Variants in SH3BP5 observed in about 807,000 individuals in gnomAD.
SH3BP5 encodes the protein SH3 domain-binding protein 5.
SH3BP5 carries 22 observed loss-of-function variants against 43.3 expected under a neutral mutation model. The ratio of observed to expected loss-of-function variants is 0.51; its 90% CI spans 0.36 to 0.73. The LOEUF is 0.73. Among genes scored for constraint, SH3BP5 ranks in the 30% least tolerant of loss-of-function variants. The probability of loss-of-function intolerance (pLI) is 0.00; values close to 1 mark genes in which losing one functional copy is unlikely to be tolerated. For missense variants in SH3BP5, 529 were observed against 586.9 expected, an observed-to-expected ratio of 0.90 and a Z score of 1.02; for synonymous variants, 255 against 225.8, an observed-to-expected ratio of 1.13 and a Z score of -1.16.
At chr3:15,328,553 G>T (rs557347877) in intron 2 of SH3BP5, among the ~76,000 whole-genome samples, 122 of 152,136 alleles carry the variant, frequency 8.0e-4, no homozygotes, top group Non-Finnish European at 1.6e-3. Context: ...AACAGAGCTA[G>T]ATCCCATCTT....
intron 5 of SH3BP5, chr3:15,260,162 TCTC>T (rs1292662619): frequency 3.7e-6 from 1 of 272,464 alleles, no homozygotes; most frequent in Non-Finnish European, 7.0e-6. Flanking sequence ...CTGGATCTGC[TCTC>T]CTAATGAAGT....
chr3:15,263,938 G>A (rs919633219), intron 4 of SH3BP5, among the ~76,000 whole-genome samples: 2 of 152,154 alleles, frequency 1.3e-5, no homozygotes, highest in Non-Finnish European at 2.9e-5. Context: ...AGCCCAGAGG[G>A]CTCATGGTCA....
chr3:15,320,419 G>T (rs1345975232), intron 2 of SH3BP5, among the ~76,000 whole-genome samples: 1 of 152,084 alleles, frequency 6.6e-6, no homozygotes, highest in African/African-American at 2.4e-5. Context: ...TCCAAGAGCT[G>T]CTTTGCAAAT....
At chr3:15,282,619 T>C (rs1323346847) in intron 3 of SH3BP5, among the ~76,000 whole-genome samples, 1 of 151,422 alleles carries the variant, frequency 6.6e-6, no homozygotes, top group African/African-American at 2.4e-5. Context: ...TTTAAACCAA[T>C]CACAATAAAA....
At chr3:15,331,465 TAGAA>T (rs1011477636) in intron 1 of SH3BP5, among the ~76,000 whole-genome samples, 3 of 152,298 alleles carry the variant, frequency 2.0e-5, no homozygotes, top group Non-Finnish European at 2.9e-5. Context: ...AAACGGGCCT[TAGAA>T]AGGGATTTGC....
chr3:15,301,045 T>C (rs1697724302), intron 3 of SH3BP5, among the ~76,000 whole-genome samples: 1 of 152,124 alleles, frequency 6.6e-6, no homozygotes, highest in Non-Finnish European at 1.5e-5. Flanking sequence ...CCCAACAGAC[T>C]AGGAGCCTCC....
chr3:15,264,101 T>C (rs1182221002), intron 4 of SH3BP5, among the ~76,000 whole-genome samples: 1 of 152,220 alleles, frequency 6.6e-6, no homozygotes, highest in Non-Finnish European at 1.5e-5. Flanking sequence ...GATAGTTTAC[T>C]TATTACTTAC....
chr3:15,287,216 T>C (rs916419208), intron 3 of SH3BP5, among the ~76,000 whole-genome samples: 1 of 152,224 alleles, frequency 6.6e-6, no homozygotes, highest in East Asian at 1.9e-4. Flanking sequence ...TAAGCAAGCA[T>C]TATGTAGCAT....
chr3:15,319,775 C>T (rs1698274155), intron 2 of SH3BP5, among the ~76,000 whole-genome samples: 1 of 152,296 alleles, frequency 6.6e-6, no homozygotes, highest in Non-Finnish European at 1.5e-5. Flanking sequence ...CATCCTCTGT[C>T]AGACACAAGA....
At chr3:15,297,760 C>T (rs754104197) in intron 3 of SH3BP5, among the ~76,000 whole-genome samples, 19 of 152,208 alleles carry the variant, frequency 1.2e-4, no homozygotes, top group Admixed American at 3.3e-4. Context: ...GCTACCCTAG[C>T]TGACCACCAA....
chr3:15,256,938 C>T lies in SH3BP5; in HGVS notation c.1065G>A (p.Leu355=), dbSNP rs746896347. The change falls in exon 8 of 9, where the codon CTG becomes CTA. Residue 355 remains leucine (L), a synonymous_variant. Transcript: ENST00000383791. ...CTGGGAACATCATCCCAAACTCTGA[C>T]AGGGACACAGGGCTGGGCAGATCCA... The part of the protein sequence containing the change: ...GSLDLPSPVS[L]SEFGMMFPVL... The T allele has an allele frequency of 2.5e-6, 4 of 1,614,212 alleles. No homozygotes were observed. The highest frequency in any genetic ancestry group is 3.4e-6 in the Non-Finnish European group (4 of 1,180,032).
At chr3:15,324,755 A>C (rs1698417738) in intron 2 of SH3BP5, among the ~76,000 whole-genome samples, 1 of 151,974 alleles carries the variant, frequency 6.6e-6, no homozygotes, top group African/African-American at 2.4e-5. Flanking sequence ...ATTTGTGCTA[A>C]TAATTCATGA....
intron 3 of SH3BP5, among the ~76,000 whole-genome samples, chr3:15,299,797 TGGATATTCCA>T (rs1007603126): frequency 4.1e-5 from 6 of 147,946 alleles, no homozygotes; most frequent in African/African-American, 1.3e-4. Flanking sequence ...ACTGAGACAC[TGGATATTCCA>T]GTGGATAGAT....
At position 15,262,825 on chromosome 3, in the gene SH3BP5, G is replaced by T. The variant is rs1401842301; in HGVS notation, c.496-536C>A. On this transcript the variant is annotated intron_variant, in intron 4 of 8. Transcript: ENST00000383791. ...ATATAAACATTTGCCAGGCATGGTGGCACATGCCTGTAGTCCCAGCTACTT... is the reference window on the plus strand; with the variant it reads ...ATATAAACATTTGCCAGGCATGGTGTCACATGCCTGTAGTCCCAGCTACTT... Among the ~76,000 whole-genome samples the T allele has an allele frequency of 6.6e-5, 10 of 152,090 alleles. No individual in the cohort carries two copies. The East Asian group carries it at 1.9e-3, about 30-fold the overall frequency.
intron 4 of SH3BP5, among the ~76,000 whole-genome samples, chr3:15,263,266 T>G (rs1696519172): frequency 6.6e-6 from 1 of 152,140 alleles, no homozygotes; most frequent in African/African-American, 2.4e-5. Context: ...GGCAGGGGCC[T>G]GATGGGCAGG....
chr3:15,302,422 C>T (rs1221005692), intron 3 of SH3BP5, among the ~76,000 whole-genome samples: 1 of 152,142 alleles, frequency 6.6e-6, no homozygotes, highest in Non-Finnish European at 1.5e-5. Flanking sequence ...CCCAATGCAC[C>T]AGGCCAGGGA....
chr3:15,324,601 TA>T (rs2125138821), intron 2 of SH3BP5, among the ~76,000 whole-genome samples: 2 of 422 alleles, frequency 4.7e-3, no homozygotes, highest in African/African-American at 0.016. Flanking sequence ...CCGGTCTATC[TA>T]TGCTTCAAAC....
At chr3:15,324,860 A>C (rs1402784145) in intron 2 of SH3BP5, among the ~76,000 whole-genome samples, 1 of 151,516 alleles carries the variant, frequency 6.6e-6, no homozygotes, top group Non-Finnish European at 1.5e-5. Context: ...TGGGTCCAAA[A>C]AAAAAAAAAA....
chr3:15,310,486 G>C (rs1247541798), intron 2 of SH3BP5, among the ~76,000 whole-genome samples: 1 of 152,212 alleles, frequency 6.6e-6, no homozygotes, highest in Non-Finnish European at 1.5e-5. Context: ...ACAAGCAAAT[G>C]TGTTTTCCAA....
Sources: allele counts gnomAD v4.1 joint callset (sites outside exome capture counted in the v4.1 genomes callset), GRCh38; gene constraint gnomAD v4.1.1; transcripts MANE v1.5; gene names NCBI Gene and HGNC (gene_info 2026-07-23, HGNC 2026-07-21).